The following AADAT variants were observed in gnomAD, a reference collection of about 807,000 sequenced individuals.
AADAT encodes the protein kynurenine/alpha-aminoadipate aminotransferase, mitochondrial.
A neutral mutation model predicts 56.2 loss-of-function variants in AADAT; 25 were observed. The observed-to-expected ratio is 0.44, with a 90% CI of 0.32 to 0.62. The LOEUF is 0.62. AADAT is among the 20% of genes least tolerant of loss of function. AADAT has a pLI of 0.04. For missense variants in AADAT, 387 were observed against 510.5 expected, an observed-to-expected ratio of 0.76 and a Z score of 2.33; for synonymous variants, 173 against 164.7, an observed-to-expected ratio of 1.05 and a Z score of -0.39.
rs1302551924 is a variant in AADAT at position 170,078,673 on chromosome 4, A to G, written c.370-90T>C. The G allele has an allele frequency of 4.9e-6, 4 of 822,282 alleles. No individual in the cohort carries two copies. The Admixed American group carries it at 9.6e-5, about 20-fold the overall frequency. 50.9% of individuals were successfully genotyped at this position (822,282 alleles called of 1,614,324 possible). A position where few individuals can be genotyped will look rare whatever the true frequency, so the allele number is the denominator to read the frequency against. On this transcript the variant is annotated intron_variant, in intron 3 of 12. Coordinates refer to ENST00000337664, the MANE Select transcript of AADAT (RefSeq NM_016228.4). ...AGCCCATTTTTTAGTTTGAGCTCAC[A>G]TGGTTCTAGAGTAAGAATTAGCAAA...
At position 170,088,404 on chromosome 4, in the gene AADAT, C is replaced by T. The variant is rs766118017; in HGVS notation, c.228G>A (p.Pro76=). The change falls in exon 2 of 13, where the codon CCG becomes CCA. Residue 76 remains proline, a synonymous_variant. Transcript: ENST00000337664. ...TAAGTATTGATACTTACCCAGCACT[C>T]GGAGAATACTGAAGTGCTCTCTTCA... is the stretch of plus-strand genomic sequence containing the variant. ...EMMKRALQYS[P]SAGIPELLSW... The T allele has an allele frequency of 1.4e-5, 23 of 1,594,292 alleles. No individual in the cohort carries two copies. Among genetic ancestry groups the T allele is most frequent in the East Asian group, 1.4e-4 (6 of 44,404 alleles).
chr4:170,087,762 T>C (rs1358375663), intron 2 of AADAT, among the ~76,000 whole-genome samples: 1 of 152,010 alleles, frequency 6.6e-6, no homozygotes, highest in African/African-American at 2.4e-5. Context: ...AGATTCTCTA[T>C]AAATTATCCT....
intron 3 of AADAT, among the ~76,000 whole-genome samples, chr4:170,081,806 C>T (rs994948804): frequency 3.3e-5 from 5 of 152,192 alleles, no homozygotes; most frequent in Middle Eastern, 3.2e-3. Flanking sequence ...TCCCAAAGAG[C>T]TGGGATTACA....
At chr4:170,075,987 A>G (rs190045786) in intron 4 of AADAT, among the ~76,000 whole-genome samples, 5 of 152,258 alleles carry the variant, frequency 3.3e-5, no homozygotes, top group Admixed American at 2.6e-4. Flanking sequence ...TTATCCATTC[A>G]TCCACTGATG....
chr4:170,088,006 C>A (rs1388712752), intron 2 of AADAT, among the ~76,000 whole-genome samples: 2 of 150,308 alleles, frequency 1.3e-5, no homozygotes, highest in Non-Finnish European at 3.0e-5. Flanking sequence ...CTTCCTGGAT[C>A]TTCCGTTTCT....
intron 5 of AADAT, among the ~76,000 whole-genome samples, chr4:170,071,967 CAGG>C (rs918767455): frequency 1.7e-4 from 26 of 152,110 alleles, no homozygotes; most frequent in African/African-American, 5.3e-4. Flanking sequence ...TGTGGAAAAC[CAGG>C]AGTTCTATTT....
At position 170,066,417 on chromosome 4, in the gene AADAT, T is replaced by A; in HGVS notation, c.1024A>T (p.Thr342Ser). 1 of 1,613,686 alleles carries A rather than the reference T, an allele frequency of 6.2e-7. No homozygotes were observed. Among genetic ancestry groups the A allele is most frequent in the Non-Finnish European group, 8.5e-7 (1 of 1,179,702 alleles). ...AILAAADKWL[T>S]GLAEWHVPAA... ...GACGAATATACGTTCCACTCACCAGTTAACCACTTGTCTGCAGCTGCCAGT... is the reference window on the plus strand; with the variant it reads ...GACGAATATACGTTCCACTCACCAGATAACCACTTGTCTGCAGCTGCCAGT... The change falls in exon 10 of 13, where the codon ACT (threonine) becomes TCT (serine). Residue 342 changes from threonine (T) to serine (S), a missense_variant. Coordinates refer to ENST00000337664, the MANE Select transcript of AADAT (RefSeq NM_016228.4).
Position 170,069,098 on chromosome 4 carries a change from A to T in AADAT, c.803+50T>A, listed in dbSNP as rs1581574400. 7 of 1,503,228 alleles carry T rather than the reference A, an allele frequency of 4.7e-6. No homozygotes were observed. The East Asian group carries it at 1.6e-4, about 34-fold the overall frequency. 93.1% of individuals were successfully genotyped at this position (1,503,228 alleles called of 1,614,324 possible). On this transcript the variant is annotated intron_variant, in intron 7 of 12. Coordinates refer to ENST00000337664, the MANE Select transcript of AADAT (RefSeq NM_016228.4). ...CTAGACTAAAAGATACTGAGGTACT[A>T]TCTCTGGCTCTATTAGATCTAGCGT... is the stretch of plus-strand genomic sequence containing the variant.
At chr4:170,069,375 T>A (rs574580316) in intron 6 of AADAT, 145 bp from the exon 7 acceptor site, 1 of 606,312 alleles carries the variant, frequency 1.6e-6, no homozygotes, top group Admixed American at 3.5e-5. Flanking sequence ...CCCTTTAACA[T>A]GGAATAACAA....
At chr4:170,063,919 T>C (rs1449273640) in intron 11 of AADAT, among the ~76,000 whole-genome samples, 1 of 151,128 alleles carries the variant, frequency 6.6e-6, no homozygotes, top group Non-Finnish European at 1.5e-5. Context: ...ATGCCTCCAA[T>C]GAAACCTAAG....
At position 170,073,280 on chromosome 4, in the gene AADAT, G is replaced by A. The variant is rs758776795; in HGVS notation, c.510C>T (p.Ser170=). 1 of 1,614,070 alleles carries A rather than the reference G, an allele frequency of 6.2e-7. No homozygotes were observed. Among genetic ancestry groups the A allele is most frequent in the African/African-American group, 1.3e-5 (1 of 74,994 alleles). ...TCCATCTGGAAAGTATGTCTCTTAG[G>A]GAATCTGGAACAATCCCACTTTCAT... ...ASDESGIVPD[S]LRDILSRWKP... is the part of the protein sequence containing the mutation. Residue 170 remains serine (S), a synonymous_variant, in exon 5 of 13, where the codon TCC becomes TCT. Transcript: ENST00000337664.
intron 3 of AADAT, among the ~76,000 whole-genome samples, chr4:170,081,513 T>C (rs1732311596): frequency 6.6e-6 from 1 of 152,008 alleles, no homozygotes; most frequent in African/African-American, 2.4e-5. Context: ...ATATAAGAAT[T>C]AAACTCTCAA....
intron 6 of AADAT, 49 bp downstream of exon 6, chr4:170,070,538 T>C: frequency 1.4e-5 from 20 of 1,442,680 alleles, no homozygotes; most frequent in Non-Finnish European, 1.9e-5. Flanking sequence ...TGCAGTAACT[T>C]AAAACAACTT....
Position 170,089,890 on chromosome 4 carries a change from C to T in AADAT, c.-200G>A. On this transcript the variant is annotated 5_prime_UTR_variant, in exon 1 of 13. Transcript: ENST00000337664. ...TCCCCGGCTGGACGCTGCGTTCGGT[C>T]TCCCGGTCCTAAACGGGTCTGGGGC... The T allele has an allele frequency of 1.7e-6, 1 of 600,278 alleles. No homozygotes were observed. The highest frequency in any genetic ancestry group is 3.0e-6 in the Non-Finnish European group (1 of 336,968). 37.2% of individuals were successfully genotyped at this position (600,278 alleles called of 1,614,324 possible).
At chr4:170,070,914 ATTTAT>A (rs1282289154) in intron 5 of AADAT, among the ~76,000 whole-genome samples, 2 of 152,016 alleles carry the variant, frequency 1.3e-5, no homozygotes, top group Admixed American at 6.6e-5. Context: ...GAGTGGTTTT[ATTTAT>A]TTTGTTTTTT....
intron 10 of AADAT, 83 bp from the exon 11 acceptor site, chr4:170,064,908 T>C: frequency 8.5e-7 from 1 of 1,179,044 alleles, no homozygotes; most frequent in South Asian, 1.4e-5. Flanking sequence ...ATGGCATAAG[T>C]ATAGTAAGTA....
At chr4:170,086,047 C>A (rs1042046301) in intron 3 of AADAT, among the ~76,000 whole-genome samples, 1 of 151,996 alleles carries the variant, frequency 6.6e-6, no homozygotes, top group Non-Finnish European at 1.5e-5. Context: ...ACTGCTTGAG[C>A]CCATGAGCTC....
chr4:170,076,080 AG>A (rs926850547), intron 4 of AADAT, among the ~76,000 whole-genome samples: 1 of 152,124 alleles, frequency 6.6e-6, no homozygotes, highest in African/African-American at 2.4e-5. Flanking sequence ...TTTGAGTCCC[AG>A]TTTTCAATCC....
At chr4:170,079,954 G>A (rs1252206856) in intron 3 of AADAT, among the ~76,000 whole-genome samples, 1 of 152,180 alleles carries the variant, frequency 6.6e-6, no homozygotes, top group African/African-American at 2.4e-5. Context: ...TAAGGACTGA[G>A]CTACAGGGAA....
Sources: allele counts gnomAD v4.1 joint callset (sites outside exome capture counted in the v4.1 genomes callset), GRCh38; gene constraint gnomAD v4.1.1; transcripts MANE v1.5; gene names NCBI Gene and HGNC (gene_info 2026-07-23, HGNC 2026-07-21).